Variants in RNF38 observed in about 807,000 individuals in gnomAD.
RNF38 encodes ring finger protein 38.
In RNF38, 15 loss-of-function variants were observed where a neutral mutation model predicts 67.2. The ratio of observed to expected loss-of-function variants is 0.22; its 90% CI spans 0.15 to 0.34. The LOEUF (loss-of-function observed/expected upper bound fraction) is 0.34, where lower values mean the gene tolerates loss of function less well. RNF38 is among the 10% of genes least tolerant of loss of function. RNF38 has a pLI of 1.00. For missense variants in RNF38, 524 were observed against 639.9 expected (o/e 0.82, Z 1.95); for synonymous variants, 220 against 218.8 (o/e 1.01, Z -0.05).
chr9:36,424,445 G>A (rs1028577033), intron 2 of RNF38, among the ~76,000 whole-genome samples: 4 of 152,148 alleles, frequency 2.6e-5, no homozygotes, highest in Non-Finnish European at 4.4e-5. Context: ...TAGGTTTTCT[G>A]GAGCAGTCAA....
In RNF38 at chr9:36,357,758, C is replaced by T. The variant is rs757631297; in HGVS notation, c.738+17G>A. Reference sequence around the variant, plus strand: ...GCTTAATAGTAATATCTAATGAGAACAAAGATAGAGACTTACTGGAGGAGG... The same window carrying T: ...GCTTAATAGTAATATCTAATGAGAATAAAGATAGAGACTTACTGGAGGAGG... On this transcript the variant is annotated intron_variant, in intron 5 of 11. Transcript: ENST00000259605. The T allele has an allele frequency of 2.5e-6, 4 of 1,609,032 alleles. No homozygotes were observed. In the South Asian group the frequency reaches 4.4e-5, roughly 18 times the overall value.
intron 9 of RNF38, among the ~76,000 whole-genome samples, chr9:36,346,347 A>G (rs1833237903): frequency 1.3e-5 from 2 of 151,968 alleles, no homozygotes; most frequent in African/African-American, 4.8e-5. Flanking sequence ...CTGCCCAGCT[A>G]ATTTTTTGTA....
chr9:36,407,961 T>A (rs1242486442), intron 2 of RNF38, among the ~76,000 whole-genome samples: 1 of 152,236 alleles, frequency 6.6e-6, no homozygotes, highest in Admixed American at 6.5e-5. Context: ...CTATTATTAA[T>A]ATTCTTGTAC....
At chr9:36,362,575 T>TC (rs1040938912) in intron 4 of RNF38, among the ~76,000 whole-genome samples, 2 of 151,584 alleles carry the variant, frequency 1.3e-5, no homozygotes. Context: ...AAGGACCCTT[T>TC]CCTGGTCAAA....
chr9:36,400,779 G>A (rs949100404), upstream of RNF38: 1 of 985,510 alleles, frequency 1.0e-6, no homozygotes, highest in African/African-American at 1.7e-5. Flanking sequence ...TGCACGCCCA[G>A]AGATGACAGA....
chr9:36,374,370 G>T (rs1201695766), intron 3 of RNF38, among the ~76,000 whole-genome samples: 1 of 152,218 alleles, frequency 6.6e-6, no homozygotes, highest in Non-Finnish European at 1.5e-5. Flanking sequence ...AAGCCTAGAA[G>T]TTTGAAATCA....
intron 4 of RNF38, among the ~76,000 whole-genome samples, chr9:36,367,412 A>G (rs944847625): frequency 6.6e-6 from 1 of 152,118 alleles, no homozygotes; most frequent in Non-Finnish European, 1.5e-5. Flanking sequence ...TAGATTTTAT[A>G]TTTCTTGCGC....
chr9:36,401,254 G>A, upstream of RNF38: 3 of 982,668 alleles, frequency 3.1e-6, no homozygotes, highest in Non-Finnish European at 3.6e-6. Context: ...ACTCGGACCA[G>A]TTCCGGCAAC....
At chr9:36,346,140 C>A (rs1255103420) in intron 9 of RNF38, among the ~76,000 whole-genome samples, 1 of 152,128 alleles carries the variant, frequency 6.6e-6, no homozygotes, top group African/African-American at 2.4e-5. Flanking sequence ...CACCTAATTT[C>A]TTTTATGAAG....
rs768398046 is a variant in RNF38 at position 36,337,450 on chromosome 9, GAAGA to G, written c.*2298_*2301del. 2 of 152,714 alleles carry G rather than the reference GAAGA, an allele frequency of 1.3e-5. No homozygotes were observed. The highest frequency in any genetic ancestry group is 1.9e-4 in the East Asian group (1 of 5,184). 9.5% of individuals were successfully genotyped at this position (152,714 alleles called of 1,614,324 possible). ...CATTATAAGAATTCATAGAGGGAGA[GAAGA>G]AAAAGCTGCTACTCCTAGTCATTAG... is the stretch of plus-strand genomic sequence containing the variant. On this transcript the variant is annotated 3_prime_UTR_variant, in exon 12 of 12. Coordinates refer to ENST00000259605, the MANE Select transcript of RNF38 (RefSeq NM_022781.5).
At chr9:36,462,148 A>G (rs1453080730) in intron 1 of RNF38, among the ~76,000 whole-genome samples, 1 of 152,228 alleles carries the variant, frequency 6.6e-6, no homozygotes, top group East Asian at 1.9e-4. Context: ...TGGTCTGAAT[A>G]TCCACTGGTT....
intron 11 of RNF38, among the ~76,000 whole-genome samples, chr9:36,341,794 AT>A (rs1832854102): frequency 8.0e-5 from 4 of 50,076 alleles, no homozygotes; most frequent in African/African-American, 3.4e-4. Context: ...CTGTTTCAAA[AT>A]ATATATATAT....
At chr9:36,400,805 G>A (rs1837962477), upstream of RNF38, 46 of 985,208 alleles carry the variant, frequency 4.7e-5, no homozygotes, top group Non-Finnish European at 5.5e-5. Flanking sequence ...CTAACGCCTC[G>A]GAGGCTCCAT....
intron 1 of RNF38, among the ~76,000 whole-genome samples, chr9:36,467,395 T>A (rs1839889129): frequency 6.6e-6 from 1 of 151,750 alleles, no homozygotes; most frequent in Non-Finnish European, 1.5e-5. Flanking sequence ...ATACTTTGAA[T>A]ATCACTAATT....
At chr9:36,406,703 T>C (rs1252181777) in intron 2 of RNF38, among the ~76,000 whole-genome samples, 2 of 152,144 alleles carry the variant, frequency 1.3e-5, no homozygotes, top group Non-Finnish European at 2.9e-5. Context: ...CTTGGTAAAT[T>C]CCCAAGGAGA....
At chr9:36,369,342 T>C (rs1482904949) in intron 4 of RNF38, among the ~76,000 whole-genome samples, 2 of 152,160 alleles carry the variant, frequency 1.3e-5, no homozygotes, top group Non-Finnish European at 2.9e-5. Flanking sequence ...AAGTGATTCT[T>C]CTGCATCAAC....
intron 1 of RNF38, among the ~76,000 whole-genome samples, chr9:36,440,718 A>C (rs1337272420): frequency 2.0e-5 from 3 of 152,238 alleles, no homozygotes; most frequent in Admixed American, 6.5e-5. Flanking sequence ...GGACAATGGA[A>C]CTGAGGACAC....
chr9:36,479,615 T>G (rs1840201512), intron 1 of RNF38, among the ~76,000 whole-genome samples: 1 of 152,164 alleles, frequency 6.6e-6, no homozygotes, highest in Admixed American at 6.6e-5. Flanking sequence ...AGACCTTAAG[T>G]GAGGAAGTTT....
intron 3 of RNF38, among the ~76,000 whole-genome samples, chr9:36,373,268 A>C (rs1835525278): frequency 6.6e-6 from 1 of 152,230 alleles, no homozygotes; most frequent in Non-Finnish European, 1.5e-5. Context: ...CGGATACATA[A>C]ATTGTGTGGT....
Sources: allele counts gnomAD v4.1 joint callset (sites outside exome capture counted in the v4.1 genomes callset), GRCh38; gene constraint gnomAD v4.1.1; transcripts MANE v1.5; gene names NCBI Gene and HGNC (gene_info 2026-07-23, HGNC 2026-07-21).